The following MAGI2 variants were observed in gnomAD, a reference collection of about 807,000 sequenced individuals.
The protein encoded by MAGI2 is membrane-associated guanylate kinase, WW and PDZ domain-containing protein 2.
MAGI2 carries 35 observed loss-of-function variants against 133.3 expected under a neutral mutation model. The ratio of observed to expected loss-of-function variants is 0.26; its 90% confidence interval spans 0.20 to 0.35. The LOEUF is 0.35. Ranked by LOEUF, MAGI2 falls within the 10% of genes least tolerant of loss-of-function variation. The pLI, the probability that MAGI2 is intolerant of heterozygous loss-of-function variation, is 1.00. For synonymous variants in MAGI2, 729 were observed against 710.6 expected (o/e 1.03, Z -0.41); for missense variants, 1,636 against 1,863.4 (o/e 0.88, Z 2.25).
At chr7:78,713,135 A>G (rs1170240160) in intron 2 of MAGI2, among the ~76,000 whole-genome samples, 1 of 152,202 alleles carries the variant, frequency 6.6e-6, no homozygotes, top group Non-Finnish European at 1.5e-5. Context: ...CTTATTTTAT[A>G]AACGTGAAAT....
At chr7:78,656,383 G>A (rs1173799814) in intron 2 of MAGI2, among the ~76,000 whole-genome samples, 1 of 152,180 alleles carries the variant, frequency 6.6e-6, no homozygotes, top group Non-Finnish European at 1.5e-5. Context: ...CCTTGCATTT[G>A]CAACAACATG....
chr7:78,291,947 C>T (rs1428000602), intron 9 of MAGI2, among the ~76,000 whole-genome samples: 3 of 152,122 alleles, frequency 2.0e-5, no homozygotes, highest in African/African-American at 7.2e-5. Flanking sequence ...ATAGTAAGAG[C>T]TATTTATGAC....
At chr7:79,023,975 G>GA (rs889662247) in intron 1 of MAGI2, among the ~76,000 whole-genome samples, 3 of 151,492 alleles carry the variant, frequency 2.0e-5, no homozygotes, top group South Asian at 2.1e-4. Flanking sequence ...CACAGAATTA[G>GA]AAAAAAAAAT....
At chr7:79,203,603 G>T (rs1414781411) in intron 1 of MAGI2, among the ~76,000 whole-genome samples, 2 of 151,892 alleles carry the variant, frequency 1.3e-5, no homozygotes, top group Non-Finnish European at 2.9e-5. Context: ...TGAACAATTA[G>T]GCATTCACTC....
At chr7:78,736,039 T>C (rs1320569294) in intron 2 of MAGI2, among the ~76,000 whole-genome samples, 3 of 152,144 alleles carry the variant, frequency 2.0e-5, no homozygotes, top group Non-Finnish European at 4.4e-5. Flanking sequence ...CAAGATCTAA[T>C]AGGAAGAAGA....
intron 2 of MAGI2, among the ~76,000 whole-genome samples, chr7:78,942,436 A>C (rs932430774): frequency 2.0e-5 from 3 of 152,158 alleles, no homozygotes; most frequent in African/African-American, 7.2e-5. Context: ...GCATTCTCTT[A>C]CCATGATATA....
intron 9 of MAGI2, among the ~76,000 whole-genome samples, chr7:78,315,851 A>G (rs562617839): frequency 3.0e-4 from 46 of 152,310 alleles, no homozygotes; most frequent in Non-Finnish European, 5.6e-4. Context: ...ATTTACAGGA[A>G]GAACTGTGGT....
chr7:79,352,234 A>G (rs1484351959), intron 1 of MAGI2, among the ~76,000 whole-genome samples: 1 of 152,224 alleles, frequency 6.6e-6, no homozygotes, highest in Non-Finnish European at 1.5e-5. Flanking sequence ...CAGAATATCA[A>G]TTATGCGAAG....
chr7:78,664,028 G>A (rs1813268329), intron 2 of MAGI2, among the ~76,000 whole-genome samples: 1 of 152,144 alleles, frequency 6.6e-6, no homozygotes, highest in Non-Finnish European at 1.5e-5. Flanking sequence ...TGCATTTCAG[G>A]AATTATATTT....
chr7:79,223,971 A>G (rs190819269), intron 1 of MAGI2, among the ~76,000 whole-genome samples: 1 of 152,062 alleles, frequency 6.6e-6, no homozygotes, highest in Non-Finnish European at 1.5e-5. Flanking sequence ...AGCCTAAACC[A>G]TGATCATTGG....
intron 2 of MAGI2, among the ~76,000 whole-genome samples, chr7:78,989,665 C>A (rs1483587324): frequency 1.3e-5 from 2 of 152,020 alleles, no homozygotes; most frequent in African/African-American, 2.4e-5. Flanking sequence ...TAATTCCAAC[C>A]TGTTTTGCCT....
intron 6 of MAGI2, among the ~76,000 whole-genome samples, chr7:78,441,774 G>A (rs1361258106): frequency 6.6e-6 from 1 of 152,080 alleles, no homozygotes; most frequent in Non-Finnish European, 1.5e-5. Flanking sequence ...AGAGGTCTGG[G>A]GAGAAGGAAG....
chr7:78,043,581 G>C (rs1483137604), intron 21 of MAGI2, among the ~76,000 whole-genome samples: 1 of 152,214 alleles, frequency 6.6e-6, no homozygotes. Context: ...AGTCCCAGAG[G>C]AAGGCCTGTC....
intron 1 of MAGI2, chr7:79,411,175 T>A (rs1846115867): frequency 6.6e-6 from 1 of 152,144 alleles, no homozygotes. Flanking sequence ...CAGTAACAGC[T>A]TTTCATCTTA....
intron 2 of MAGI2, among the ~76,000 whole-genome samples, chr7:78,737,912 A>G (rs6953482): frequency 0.44 from 67,316 of 151,844 alleles, 15,262 homozygotes; most frequent in Non-Finnish European, 0.47. Context: ...AATGGCTATC[A>G]CTTAGTGGTA....
chr7:78,568,343 C>T (rs151064672), intron 3 of MAGI2: 2 of 151,966 alleles, frequency 1.3e-5, no homozygotes, highest in African/African-American at 4.8e-5. Flanking sequence ...ATGTATCCAG[C>T]TGCAGATCCA....
chr7:79,026,293 G>A (rs887376772), intron 1 of MAGI2, among the ~76,000 whole-genome samples: 2 of 152,178 alleles, frequency 1.3e-5, no homozygotes, highest in African/African-American at 4.8e-5. Flanking sequence ...GATATTTGAA[G>A]GATGCAGTCT....
chr7:78,540,161 C>T (rs1328054088), intron 3 of MAGI2, among the ~76,000 whole-genome samples: 3 of 152,166 alleles, frequency 2.0e-5, no homozygotes, highest in Admixed American at 2.0e-4. Flanking sequence ...TTATGTCTTT[C>T]GTCTTTGGCT....
At chr7:78,738,584 A>G (rs770773492) in intron 2 of MAGI2, among the ~76,000 whole-genome samples, 4 of 152,158 alleles carry the variant, frequency 2.6e-5, no homozygotes, top group South Asian at 4.1e-4. Flanking sequence ...CAAAGGGTGC[A>G]TTTTATGATA....
Sources: gnomAD v4.1 joint callset for allele counts (sites outside exome capture counted in the v4.1 genomes callset) on GRCh38, gnomAD v4.1.1 for gene constraint, MANE v1.5 for transcripts, NCBI Gene and HGNC (gene_info 2026-07-23, HGNC 2026-07-21) for gene names.